Variants in ENTREP1 observed in about 807,000 individuals in gnomAD.
The protein encoded by ENTREP1 is endosomal transmembrane epsin interactor 1.
At chr9:69,388,386 CT>C in the ENTREP1 span, 1 of 1,614,048 alleles carries the variant, frequency 6.2e-7, no homozygotes, top group Admixed American at 1.7e-5. Flanking sequence ...AACATTAAAT[CT>C]GTTTTGAAAT....
At chr9:69,346,452 T>A in the ENTREP1 span, among the ~76,000 whole-genome samples, 3,624 of 152,344 alleles carry the variant, frequency 0.024, 144 homozygotes, top group East Asian at 0.15. Flanking sequence ...TAGATAATAT[T>A]GTAAGCTTCT....
At chr9:69,328,508 C>T in the ENTREP1 span, among the ~76,000 whole-genome samples, 11 of 152,246 alleles carry the variant, frequency 7.2e-5, no homozygotes, top group Admixed American at 1.3e-4. Flanking sequence ...TTATACCTAA[C>T]GCTGCTCCCC....
chr9:69,329,942 T>G, the ENTREP1 span, among the ~76,000 whole-genome samples: 91 of 130,340 alleles, frequency 7.0e-4, no homozygotes, highest in African/African-American at 2.6e-3. Flanking sequence ...TGGGTTTAAT[T>G]AGATTCCACT....
the ENTREP1 span, chr9:69,385,919 C>T: frequency 1.2e-6 from 2 of 1,611,756 alleles, no homozygotes; most frequent in Non-Finnish European, 1.7e-6. Context: ...CGAAGAGTGA[C>T]CCTGTGCTCC....
the ENTREP1 span, among the ~76,000 whole-genome samples, chr9:69,344,032 T>C: frequency 6.6e-6 from 1 of 152,258 alleles, no homozygotes; most frequent in African/African-American, 2.4e-5. Flanking sequence ...CCAAATCTAA[T>C]AGTAGTACAT....
chr9:69,363,315 C>T, the ENTREP1 span, among the ~76,000 whole-genome samples: 1 of 152,114 alleles, frequency 6.6e-6, no homozygotes, highest in African/African-American at 2.4e-5. Context: ...ATAGTGTTCA[C>T]TTAACTGGGC....
the ENTREP1 span, among the ~76,000 whole-genome samples, chr9:69,328,744 C>T: frequency 6.6e-6 from 1 of 152,090 alleles, no homozygotes; most frequent in East Asian, 1.9e-4. Flanking sequence ...ACATGCCATA[C>T]AACTTACCCA....
the ENTREP1 span, among the ~76,000 whole-genome samples, chr9:69,359,452 CTCA>C: frequency 6.6e-6 from 1 of 152,128 alleles, no homozygotes; most frequent in African/African-American, 2.4e-5. Context: ...GGCATTTTTC[CTCA>C]TCCTGTTCTC....
chr9:69,343,856 C>T, the ENTREP1 span, among the ~76,000 whole-genome samples: 3 of 152,272 alleles, frequency 2.0e-5, no homozygotes, highest in South Asian at 2.1e-4. Flanking sequence ...TGGCCTTTCT[C>T]ATAAATGCTA....
chr9:69,337,144 A>G, the ENTREP1 span, among the ~76,000 whole-genome samples: 1 of 148,358 alleles, frequency 6.7e-6, no homozygotes, highest in African/African-American at 2.5e-5. Flanking sequence ...CCTCCTGAGT[A>G]GCTGAGATTA....
chr9:69,349,941 CTATTT>C, the ENTREP1 span, among the ~76,000 whole-genome samples: 2 of 152,274 alleles, frequency 1.3e-5, no homozygotes, highest in African/African-American at 4.8e-5. Context: ...GGCTTTCACA[CTATTT>C]TAAAGGCAAA....
chr9:69,371,316 C>T, the ENTREP1 span: 2 of 658,088 alleles, frequency 3.0e-6, no homozygotes, highest in Non-Finnish European at 5.5e-6. Flanking sequence ...TCAGTGGCAT[C>T]CCTCAGCACA....
At chr9:69,344,476 T>C in the ENTREP1 span, among the ~76,000 whole-genome samples, 1 of 152,158 alleles carries the variant, frequency 6.6e-6, no homozygotes, top group Non-Finnish European at 1.5e-5. Flanking sequence ...AGGAGACTTT[T>C]AGTTTAGTTA....
chr9:69,366,485 G>T, the ENTREP1 span, among the ~76,000 whole-genome samples: 4 of 149,050 alleles, frequency 2.7e-5, no homozygotes, highest in Non-Finnish European at 5.9e-5. Flanking sequence ...TCATTCTACA[G>T]GTTGTCTCTT....
chr9:69,389,438 G>C, the ENTREP1 span, among the ~76,000 whole-genome samples: 10 of 152,264 alleles, frequency 6.6e-5, no homozygotes, highest in Middle Eastern at 3.4e-3. Context: ...CTCTCTCCCA[G>C]TCCCTCAGGG....
chr9:69,340,787 GCA>G, the ENTREP1 span, among the ~76,000 whole-genome samples: 12 of 113,894 alleles, frequency 1.1e-4, no homozygotes, highest in South Asian at 9.5e-4. Flanking sequence ...ATGTGTGTGT[GCA>G]TGTGTGTGTG....
chr9:69,348,375 C>A, the ENTREP1 span, among the ~76,000 whole-genome samples: 2 of 152,184 alleles, frequency 1.3e-5, no homozygotes, highest in African/African-American at 4.8e-5. Context: ...CCAACTTGGC[C>A]TCCAAGAGTG....
At chr9:69,368,312 T>C in the ENTREP1 span, among the ~76,000 whole-genome samples, 9 of 152,286 alleles carry the variant, frequency 5.9e-5, no homozygotes, top group East Asian at 1.7e-3. Flanking sequence ...CCTCATTCAG[T>C]GTGGAGTTAG....
the ENTREP1 span, among the ~76,000 whole-genome samples, chr9:69,362,017 T>G: frequency 6.6e-6 from 1 of 152,182 alleles, no homozygotes; most frequent in Non-Finnish European, 1.5e-5. Context: ...AGCTAAATAC[T>G]TATGCTCAAT....
Sources: allele counts gnomAD v4.1 joint callset (sites outside exome capture counted in the v4.1 genomes callset), GRCh38; gene constraint gnomAD v4.1.1; transcripts MANE v1.5; gene names NCBI Gene and HGNC (gene_info 2026-07-23, HGNC 2026-07-21).